The following LEMD1 variants were observed in gnomAD, a reference collection of about 807,000 sequenced individuals.
LEMD1 encodes the protein LEM domain-containing protein 1.
LEMD1 carries 18 observed loss-of-function variants against 17.4 expected under a neutral mutation model. The ratio of observed to expected loss-of-function variants is 1.04; its 90% CI spans 0.72 to 1.54. The LOEUF (loss-of-function observed/expected upper bound fraction) is 1.54. LEMD1 is among the 40% of genes most tolerant of loss of function. The pLI is 0.00. For missense variants in LEMD1, 195 were observed against 210.4 expected, an observed-to-expected ratio of 0.93 and a Z score of 0.45; for synonymous variants, 88 against 77.8, an observed-to-expected ratio of 1.13 and a Z score of -0.69.
intron 1 of LEMD1, chr1:205,437,830 G>A (rs1361258875): frequency 6.6e-6 from 1 of 152,210 alleles, no homozygotes; most frequent in Admixed American, 6.5e-5. Flanking sequence ...TTTCCAAGCA[G>A]GGCTAGAAGC....
chr1:205,396,836 G>A (rs1322214493), intron 4 of LEMD1, among the ~76,000 whole-genome samples: 2 of 152,210 alleles, frequency 1.3e-5, no homozygotes, highest in Admixed American at 1.3e-4. Flanking sequence ...TGTCCCAAGA[G>A]GGATACACTG....
At position 205,419,237 on chromosome 1, in the gene LEMD1, G is replaced by A; in HGVS notation, c.198C>T (p.Asp66=). Residue 66 remains aspartate (D), a synonymous_variant, in exon 3 of 6, where the codon GAC becomes GAT. Coordinates refer to ENST00000367153, the MANE Select transcript of LEMD1 (RefSeq NM_001199050.2). The part of the protein sequence containing the change: ...RELDGAQDSD[D]SEELNIILQG... ...TACAGCTTATGGCGGTACCTTCGCT[G>A]TCATCACTGTCCTGCGCTCCATCCA... The A allele has an allele frequency of 6.2e-7, 1 of 1,614,040 alleles. No homozygotes were observed. Among genetic ancestry groups the A allele is most frequent in the South Asian group, 1.1e-5 (1 of 91,058 alleles).
At chr1:205,383,719 C>T (rs1281534705) in intron 5 of LEMD1, among the ~76,000 whole-genome samples, 20 of 150,848 alleles carry the variant, frequency 1.3e-4, no homozygotes, top group Non-Finnish European at 2.1e-4. Flanking sequence ...CAGCAAGCTC[C>T]GCCTCCCTGG....
intron 1 of LEMD1, among the ~76,000 whole-genome samples, chr1:205,427,167 AG>A (rs1218315617): frequency 1.3e-5 from 2 of 152,136 alleles, no homozygotes; most frequent in Admixed American, 1.3e-4. Flanking sequence ...ATGGAAATGT[AG>A]TCATAACAGT....
chr1:205,384,958 CT>C (rs375680575), intron 4 of LEMD1, among the ~76,000 whole-genome samples: 51 of 151,760 alleles, frequency 3.4e-4, no homozygotes, highest in Middle Eastern at 6.8e-3. Flanking sequence ...CACTCCACCC[CT>C]ATCTAGTAAG....
intron 4 of LEMD1, among the ~76,000 whole-genome samples, chr1:205,415,860 G>A (rs1665670715): frequency 6.6e-6 from 1 of 152,212 alleles, no homozygotes. Context: ...TTAGGGGCTA[G>A]AAAAGCGAAC....
chr1:205,408,593 G>T (rs1665238165), intron 4 of LEMD1, among the ~76,000 whole-genome samples: 1 of 151,198 alleles, frequency 6.6e-6, no homozygotes, highest in Admixed American at 6.6e-5. Flanking sequence ...CTCGACCTGG[G>T]CTCAAGCCAT....
chr1:205,408,502 C>CTTT (rs573634699), intron 4 of LEMD1, among the ~76,000 whole-genome samples: 4 of 136,882 alleles, frequency 2.9e-5, no homozygotes, highest in Non-Finnish European at 4.6e-5. Flanking sequence ...TTCTTTCTTT[C>CTTT]TTTTTTTTTT....
At chr1:205,409,069 G>T (rs1665264040) in intron 4 of LEMD1, among the ~76,000 whole-genome samples, 1 of 152,000 alleles carries the variant, frequency 6.6e-6, no homozygotes, top group African/African-American at 2.4e-5. Context: ...GAACTCCCGG[G>T]CTCAAGCAAT....
intron 1 of LEMD1, among the ~76,000 whole-genome samples, chr1:205,430,384 G>A (rs187239431): frequency 1.3e-5 from 2 of 152,276 alleles, no homozygotes; most frequent in Non-Finnish European, 2.9e-5. Flanking sequence ...TTAGAGATGG[G>A]CATGGATCCC....
intron 1 of LEMD1, among the ~76,000 whole-genome samples, chr1:205,443,286 G>C (rs2102468178): frequency 6.6e-6 from 1 of 152,292 alleles, no homozygotes; most frequent in East Asian, 1.9e-4. Flanking sequence ...TCTGGCCCCA[G>C]AGTGCATCGA....
At chr1:205,422,892 C>T (rs1252125952), upstream of LEMD1, among the ~76,000 whole-genome samples, 1 of 152,232 alleles carries the variant, frequency 6.6e-6, no homozygotes, top group Non-Finnish European at 1.5e-5. Flanking sequence ...AAGTTACTAA[C>T]TTCACTGTGT....
At chr1:205,446,816 C>A (rs556715083) in intron 1 of LEMD1, among the ~76,000 whole-genome samples, 1 of 152,290 alleles carries the variant, frequency 6.6e-6, no homozygotes, top group South Asian at 2.1e-4. Context: ...AATTCTCATG[C>A]CTTGTTCCTT....
chr1:205,446,945 C>T (rs1011169210), intron 1 of LEMD1, among the ~76,000 whole-genome samples: 1 of 152,348 alleles, frequency 6.6e-6, no homozygotes, highest in East Asian at 1.9e-4. Context: ...TCCCCCCGAC[C>T]TCCTGTGGGA....
At chr1:205,425,919 G>A (rs926822041), upstream of LEMD1, among the ~76,000 whole-genome samples, 1 of 34,472 alleles carries the variant, frequency 2.9e-5, no homozygotes, top group African/African-American at 4.3e-5. Context: ...ATTTTTCCTA[G>A]CAATTTTTGA....
intron 4 of LEMD1, among the ~76,000 whole-genome samples, chr1:205,390,440 C>G (rs917153929): frequency 6.6e-6 from 1 of 151,470 alleles, no homozygotes; most frequent in African/African-American, 2.4e-5. Flanking sequence ...AAAACCTACA[C>G]CATAAGTCAT....
At chr1:205,444,227 G>A (rs1464744567) in intron 1 of LEMD1, among the ~76,000 whole-genome samples, 2 of 152,052 alleles carry the variant, frequency 1.3e-5, no homozygotes, top group African/African-American at 4.8e-5. Flanking sequence ...GGAGAGGCAG[G>A]GTGGACACTG....
At chr1:205,387,044 GA>G (rs1664067242) in intron 4 of LEMD1, 1 of 152,186 alleles carries the variant, frequency 6.6e-6, no homozygotes, top group African/African-American at 2.4e-5. Context: ...ATTTGGGGCA[GA>G]AGTTCATTGC....
chr1:205,397,293 T>G (rs548765176), intron 4 of LEMD1, among the ~76,000 whole-genome samples: 7 of 152,316 alleles, frequency 4.6e-5, no homozygotes, highest in African/African-American at 1.7e-4. Context: ...GAATGGAAAT[T>G]AGGCCACTAG....
Sources: gnomAD v4.1 joint callset for allele counts (sites outside exome capture counted in the v4.1 genomes callset) on GRCh38, gnomAD v4.1.1 for gene constraint, MANE v1.5 for transcripts, NCBI Gene and HGNC (gene_info 2026-07-23, HGNC 2026-07-21) for gene names.